PPM1B: variants seen among roughly 807,000 people sequenced by gnomAD.
The protein encoded by PPM1B is protein phosphatase, Mg2+/Mn2+ dependent 1B, also known as protein phosphatase 1B.
In PPM1B, 22 loss-of-function variants were observed where a neutral mutation model predicts 43.0. The ratio of observed to expected loss-of-function variants is 0.51; its 90% CI spans 0.37 to 0.73. The LOEUF is 0.73. Among genes scored for constraint, PPM1B ranks in the 30% least tolerant of loss-of-function variants. PPM1B has a pLI of 0.00. For missense variants in PPM1B, 632 were observed against 584.2 expected (o/e 1.08, Z -0.84); for synonymous variants, 217 against 197.9 (o/e 1.10, Z -0.81).
At chr2:44,236,978 C>G (rs1333685122), downstream of PPM1B, among the ~76,000 whole-genome samples, 1 of 152,064 alleles carries the variant, frequency 6.6e-6, no homozygotes, top group East Asian at 1.9e-4. Flanking sequence ...TTAGACAATT[C>G]CTAGTTGTGC....
At chr2:44,244,185 A>T (rs200313199) in intron 5 of PPM1B, 1 of 911,452 alleles carries the variant, frequency 1.1e-6, no homozygotes, top group South Asian at 3.1e-5. Context: ...AAAAAAAAAA[A>T]CCATATATAT....
At chr2:44,232,306 C>T (rs1572762410), downstream of PPM1B, 1 of 1,603,828 alleles carries the variant, frequency 6.2e-7, no homozygotes. Context: ...TTCCTTTTCT[C>T]TTCCTGTAGG....
rs549435790 is a variant in PPM1B at position 44,175,787 on chromosome 2, T to G, written c.-15+6513T>G. On this transcript the variant is annotated intron_variant, in intron 1 of 5. Transcript: ENST00000282412. ...TTAGAGAAAGACATTGGTTTGAGAT[T>G]TTTTTTTTTTTTTTTTGAGACGGAG... Among the ~76,000 whole-genome samples, 586 of 147,124 alleles carry G rather than the reference T, an allele frequency of 4.0e-3. 4 individuals carry two copies. Among genetic ancestry groups the G allele is most frequent in the African/African-American group, 0.014 (558 of 40,544 alleles).
chr2:44,210,607 G>A (rs1669415977), intron 3 of PPM1B, among the ~76,000 whole-genome samples: 1 of 151,956 alleles, frequency 6.6e-6, no homozygotes, highest in Non-Finnish European at 1.5e-5. Context: ...TTCCTTATTT[G>A]TTTATGTAAT....
chr2:44,180,309 G>T (rs1667810630), intron 1 of PPM1B, among the ~76,000 whole-genome samples: 1 of 152,194 alleles, frequency 6.6e-6, no homozygotes, highest in Non-Finnish European at 1.5e-5. Context: ...TACAGGGATA[G>T]ACTGACTTTG....
chr2:44,196,534 A>G (rs1338320801), intron 1 of PPM1B, among the ~76,000 whole-genome samples: 1 of 152,132 alleles, frequency 6.6e-6, no homozygotes, highest in Non-Finnish European at 1.5e-5. Context: ...TTCATTTTGT[A>G]CTTTTTGAAA....
chr2:44,212,319 C>T (rs1383053028), intron 3 of PPM1B, among the ~76,000 whole-genome samples: 2 of 152,090 alleles, frequency 1.3e-5, no homozygotes, highest in Admixed American at 6.6e-5. Flanking sequence ...ACTGTCAACC[C>T]AACAAATCTG....
chr2:44,217,794 T>G, intron 3 of PPM1B, 173 bp from the exon 4 acceptor site: 1 of 419,188 alleles, frequency 2.4e-6, no homozygotes, highest in South Asian at 7.7e-5. Flanking sequence ...ATAGCAATGT[T>G]TCAGTCAATA....
At chr2:44,173,838 G>A (rs145687700) in intron 1 of PPM1B, among the ~76,000 whole-genome samples, 3 of 152,238 alleles carry the variant, frequency 2.0e-5, no homozygotes, top group Admixed American at 6.5e-5. Context: ...CAGCTACCCC[G>A]GAGGCTGTGG....
chr2:44,230,707 G>GA lies in PPM1B; in HGVS notation c.1435dup (p.Ile479AsnfsTer17). ...AGATGCAGGGACAAAGATGAGTGGT[G>GA]AAAAAATATGACTTTCCTTTTTGGT... On this transcript the variant is annotated frameshift_variant, in exon 6 of 6. Transcript: ENST00000282412. LOFTEE classifies it high-confidence loss of function. The GA allele has an allele frequency of 6.2e-7, 1 of 1,603,530 alleles. No homozygotes were observed. The highest frequency in any genetic ancestry group is 8.5e-7 in the Non-Finnish European group (1 of 1,173,324).
At chr2:44,244,737 AAT>A, downstream of PPM1B, among the ~76,000 whole-genome samples, 1 of 150,806 alleles carries the variant, frequency 6.6e-6, no homozygotes, top group African/African-American at 2.4e-5. Context: ...TACAAATCTG[AAT>A]AACTCTTATA....
intron 5 of PPM1B, among the ~76,000 whole-genome samples, chr2:44,225,899 A>G (rs1475232713): frequency 6.6e-6 from 1 of 150,650 alleles, no homozygotes; most frequent in Non-Finnish European, 1.5e-5. Context: ...AAAGTGATCC[A>G]CCTACCTCGG....
chr2:44,177,354 A>G (rs1239067404), intron 1 of PPM1B, among the ~76,000 whole-genome samples: 4 of 151,170 alleles, frequency 2.6e-5, no homozygotes, highest in African/African-American at 9.7e-5. Flanking sequence ...ACTTAAGGAA[A>G]TTGAGTTTGT....
intron 1 of PPM1B, among the ~76,000 whole-genome samples, chr2:44,185,059 T>C (rs1335001898): frequency 6.6e-6 from 1 of 151,490 alleles, no homozygotes; most frequent in African/African-American, 2.4e-5. Context: ...TATTATTGGG[T>C]TTTATAGTAA....
chr2:44,224,584 A>G (rs1401324778), intron 5 of PPM1B, among the ~76,000 whole-genome samples: 1 of 151,542 alleles, frequency 6.6e-6, no homozygotes, highest in Non-Finnish European at 1.5e-5. Flanking sequence ...TCCCCCTCCT[A>G]TTACTACTCT....
intron 5 of PPM1B, among the ~76,000 whole-genome samples, chr2:44,220,067 G>A (rs1057174200): frequency 1.3e-5 from 2 of 152,064 alleles, no homozygotes; most frequent in African/African-American, 2.4e-5. Flanking sequence ...CTAAAAGGAT[G>A]GTGGTAATTT....
Position 44,195,172 on chromosome 2 carries a change from C to T in PPM1B, c.-14-6014C>T, listed in dbSNP as rs568769245. On this transcript the variant is annotated intron_variant, in intron 1 of 5. Coordinates refer to ENST00000282412, the MANE Select transcript of PPM1B (RefSeq NM_002706.6). ...CCTCCCAAAGTGCTGGGATTACAGG[C>T]GTGAGCCACCCCACCTGGCCTTTTC... Among the ~76,000 whole-genome samples, 334 of 151,554 alleles carry T rather than the reference C, an allele frequency of 2.2e-3. 2 individuals are homozygous for T. The highest frequency in any genetic ancestry group is 7.8e-3 in the African/African-American group (324 of 41,308).
In PPM1B at chr2:44,230,083, T is replaced by C. The variant is rs143036937; in HGVS notation, c.1135-330T>C. On this transcript the variant is annotated intron_variant, in intron 5 of 5. Transcript: ENST00000282412. ...TGATTTTCTTTTGTACTAAATCATA[T>C]AGCCAAATATTGTTTAAGTAAGTCA... 8.4e-3 allele frequency: 12,830 copies of C among 1,525,300 alleles called. 76 individuals are homozygous for C. Among genetic ancestry groups the C allele is most frequent in the Non-Finnish European group, 9.9e-3 (11,227 of 1,139,056 alleles). 94.5% of individuals were successfully genotyped at this position (1,525,300 alleles called of 1,614,324 possible). A position where few individuals can be genotyped will look rare whatever the true frequency, so the allele number is the denominator to read the frequency against.
downstream of PPM1B, among the ~76,000 whole-genome samples, chr2:44,244,565 G>A (rs911267050): frequency 1.3e-5 from 2 of 151,848 alleles, no homozygotes; most frequent in Non-Finnish European, 2.9e-5. Context: ...CTTTAATCTG[G>A]CGTTGTTTTC....
Sources: allele counts gnomAD v4.1 joint callset (sites outside exome capture counted in the v4.1 genomes callset), GRCh38; gene constraint gnomAD v4.1.1; transcripts MANE v1.5; gene names NCBI Gene and HGNC (gene_info 2026-07-23, HGNC 2026-07-21).